NEGR1: variants seen among roughly 807,000 people sequenced by gnomAD.
The protein encoded by NEGR1 is neuronal growth regulator 1, also known as IgLON family member 4.
NEGR1 carries 10 observed loss-of-function variants against 40.9 expected under a neutral mutation model. The ratio of observed to expected loss-of-function variants is 0.24; its 90% confidence interval spans 0.15 to 0.42. The LOEUF (loss-of-function observed/expected upper bound fraction) is 0.42. Among genes scored for constraint, NEGR1 ranks in the 10% least tolerant of loss-of-function variants. The pLI is 1.00. For missense variants in NEGR1, 352 were observed against 438.9 expected (o/e 0.80, Z 1.77); for synonymous variants, 185 against 166.8 (o/e 1.11, Z -0.84).
At chr1:71,827,537 G>A (rs1305453890) in intron 2 of NEGR1, among the ~76,000 whole-genome samples, 1 of 151,802 alleles carries the variant, frequency 6.6e-6, no homozygotes, top group Non-Finnish European at 1.5e-5. Context: ...AAAAAGAGAA[G>A]AATAGGACCA....
intron 1 of NEGR1, among the ~76,000 whole-genome samples, chr1:72,014,836 T>C (rs538415455): frequency 6.6e-6 from 1 of 152,046 alleles, no homozygotes; most frequent in South Asian, 2.1e-4. Flanking sequence ...ACAAAGATGG[T>C]CTTCAATGTA....
intron 2 of NEGR1, among the ~76,000 whole-genome samples, chr1:71,793,019 T>C (rs970842327): frequency 6.6e-6 from 1 of 151,306 alleles, no homozygotes; most frequent in Non-Finnish European, 1.5e-5. Context: ...AAGTGATGTG[T>C]GCTCTTTCCA....
intron 2 of NEGR1, among the ~76,000 whole-genome samples, chr1:71,786,035 T>C (rs1251447600): frequency 6.6e-6 from 1 of 152,176 alleles, no homozygotes; most frequent in Non-Finnish European, 1.5e-5. Context: ...AGTACTCTGG[T>C]TTCTTTGTTC....
intron 1 of NEGR1, among the ~76,000 whole-genome samples, chr1:72,106,845 G>T (rs1447181813): frequency 6.6e-6 from 1 of 151,754 alleles, no homozygotes; most frequent in Non-Finnish European, 1.5e-5. Flanking sequence ...CTATATCAAA[G>T]ACAAAACGTC....
At position 71,397,202 on chromosome 1, in the gene NEGR1, C is replaced by T. The variant is rs1289317031; in HGVS notation, c.*10244G>A. The T allele has an allele frequency of 2.6e-5, 4 of 152,352 alleles. No individual in the cohort carries two copies. The highest frequency in any genetic ancestry group is 2.9e-5 in the Non-Finnish European group (2 of 68,326). 9.4% of individuals were successfully genotyped at this position (152,352 alleles called of 1,614,324 possible). ...GAGATGGGTAGCATTTTGCCCTTGCCCTAGAGATGTGTAGAACTTTGAAGT... is the reference window on the plus strand; with the variant it reads ...GAGATGGGTAGCATTTTGCCCTTGCTCTAGAGATGTGTAGAACTTTGAAGT... On this transcript the variant is annotated 3_prime_UTR_variant, in exon 7 of 7. Coordinates refer to ENST00000357731, the MANE Select transcript of NEGR1 (RefSeq NM_173808.3).
chr1:71,890,134 C>A (rs1174890731), intron 2 of NEGR1, among the ~76,000 whole-genome samples: 2 of 137,586 alleles, frequency 1.5e-5, no homozygotes, highest in Non-Finnish European at 3.1e-5. Context: ...TAAAGACCAT[C>A]CAGACTAGGA....
rs192024407 is a variant in NEGR1, at chr1:72,148,756, A to C, written c.176+133563T>G. Among the ~76,000 whole-genome samples, 534 of 152,252 alleles carry C rather than the reference A, an allele frequency of 3.5e-3. 8 individuals are homozygous for C. Among genetic ancestry groups the C allele is most frequent in the East Asian group, 1.2e-3 (6 of 5,170 alleles). ...GCCGCCAGTCTCTTTGATAAAACAT[A>C]ACAACAATCACCTTTGCTCCGGTTC... On this transcript the variant is annotated intron_variant, in intron 1 of 6. Transcript: ENST00000357731.
intron 3 of NEGR1, among the ~76,000 whole-genome samples, chr1:71,747,726 G>A (rs904144744): frequency 7.9e-5 from 12 of 151,998 alleles, no homozygotes; most frequent in South Asian, 6.2e-4. Flanking sequence ...CGCCCAGTCC[G>A]TTTTCATATA....
intron 2 of NEGR1, among the ~76,000 whole-genome samples, chr1:71,866,519 G>A (rs759366652): frequency 6.6e-6 from 1 of 152,156 alleles, no homozygotes; most frequent in Non-Finnish European, 1.5e-5. Flanking sequence ...TTTAAATAAT[G>A]ACGTAAATAT....
At position 71,442,695 on chromosome 1, in the gene NEGR1, T is replaced by A. The variant is rs1000811915; in HGVS notation, c.941-35125A>T. Among the ~76,000 whole-genome samples the A allele has an allele frequency of 3.3e-5, 5 of 152,294 alleles. No homozygotes were observed. The South Asian group carries it at 1.0e-3, about 32-fold the overall frequency. ...CATCACATGGCAAAATCCTAACAAC[T>A]TTTTTAAAGTGCAGGGAAACAAGAA... On this transcript the variant is annotated intron_variant, in intron 6 of 6. Coordinates refer to ENST00000357731, the MANE Select transcript of NEGR1 (RefSeq NM_173808.3).
At chr1:72,019,414 A>T (rs976453494) in intron 1 of NEGR1, among the ~76,000 whole-genome samples, 1 of 152,222 alleles carries the variant, frequency 6.6e-6, no homozygotes, top group African/African-American at 2.4e-5. Flanking sequence ...AGTGACAGAA[A>T]AAAACAGAAG....
Position 71,658,656 on chromosome 1 carries a change from A to G in NEGR1, c.667+39352T>C, listed in dbSNP as rs376260075. ...AGTAGGTGTGTTTAAAAGTTAAATA[A>G]AGTAATACTAATAGACAATTAGAAA... On this transcript the variant is annotated intron_variant, in intron 4 of 6. Coordinates refer to ENST00000357731, the MANE Select transcript of NEGR1 (RefSeq NM_173808.3). 6.2e-4 allele frequency among the ~76,000 whole-genome samples: 94 copies of G among 152,322 alleles called. No individual in the cohort carries two copies. The South Asian group carries it at 0.019, about 30-fold the overall frequency.
intron 6 of NEGR1, among the ~76,000 whole-genome samples, chr1:71,495,629 AACAT>A (rs767334173): frequency 2.6e-5 from 4 of 152,186 alleles, no homozygotes; most frequent in Non-Finnish European, 4.4e-5. Context: ...CACTGGAGGT[AACAT>A]ATTAAGCTGA....
At chr1:71,724,688 C>A (rs536020681) in intron 3 of NEGR1, among the ~76,000 whole-genome samples, 4 of 152,272 alleles carry the variant, frequency 2.6e-5, no homozygotes, top group Admixed American at 1.3e-4. Flanking sequence ...CAGCACAATG[C>A]TCAGCCCAGA....
rs78489491 is a variant in NEGR1, at chr1:71,740,948, T to C, written c.535+35224A>G. Among the ~76,000 whole-genome samples the C allele has an allele frequency of 4.6e-3, 703 of 152,308 alleles. 8 individuals are homozygous for C. The highest frequency in any genetic ancestry group is 0.016 in the African/African-American group (661 of 41,570). On this transcript the variant is annotated intron_variant, in intron 3 of 6. Transcript: ENST00000357731. Reference sequence around the variant, plus strand: ...TGGTCAGGCTCCTGCTTTACTTCAGTGTGACTCTGTGGAGTGAAAGCGACA... The same window carrying C: ...TGGTCAGGCTCCTGCTTTACTTCAGCGTGACTCTGTGGAGTGAAAGCGACA...
intron 6 of NEGR1, among the ~76,000 whole-genome samples, chr1:71,547,250 A>G (rs357233): frequency 0.65 from 99,091 of 151,610 alleles, 32,906 homozygotes; most frequent in Middle Eastern, 0.74. Context: ...GCCAACTCCA[A>G]GCAATAGTCC....
intron 3 of NEGR1, among the ~76,000 whole-genome samples, chr1:71,740,816 C>T (rs1262968127): frequency 3.3e-5 from 5 of 151,922 alleles, no homozygotes; most frequent in Non-Finnish European, 7.4e-5. Flanking sequence ...ACTTGCATTG[C>T]CTTCATAAGT....
chr1:71,566,146 A>G (rs1210390489), intron 6 of NEGR1, among the ~76,000 whole-genome samples: 2 of 152,114 alleles, frequency 1.3e-5, no homozygotes, highest in Non-Finnish European at 2.9e-5. Context: ...CTCCAGAACT[A>G]TAAGACAATG....
In NEGR1 at chr1:71,575,289, C is replaced by A. The variant is rs564606213; in HGVS notation, c.940+17528G>T. On this transcript the variant is annotated intron_variant, in intron 6 of 6. Transcript: ENST00000357731. ...AGAGAAATAGCTACAAAGCATCAAC[C>A]TTGACATCAAAGAAGACTAACACAC... Among the ~76,000 whole-genome samples, 23 of 152,324 alleles carry A rather than the reference C, an allele frequency of 1.5e-4. No homozygotes were observed. The South Asian group carries it at 4.6e-3, about 30-fold the overall frequency.
Sources: gnomAD v4.1 joint callset for allele counts (sites outside exome capture counted in the v4.1 genomes callset) on GRCh38, gnomAD v4.1.1 for gene constraint, MANE v1.5 for transcripts, NCBI Gene and HGNC (gene_info 2026-07-23, HGNC 2026-07-21) for gene names.